Variants in SLAIN2 observed in about 807,000 individuals in gnomAD.
The protein encoded by SLAIN2 is SLAIN motif-containing protein 2.
A neutral mutation model predicts 56.6 loss-of-function variants in SLAIN2; 31 were observed. That is an observed-to-expected ratio of 0.55 (90% CI 0.41 to 0.74). The LOEUF (loss-of-function observed/expected upper bound fraction) is 0.74, where lower values mean the gene tolerates loss of function less well. Among genes scored for constraint, SLAIN2 ranks in the 30% least tolerant of loss-of-function variants. The pLI, the probability that SLAIN2 is intolerant of heterozygous loss-of-function variation, is 0.00. For synonymous variants in SLAIN2, 317 were observed against 284.9 expected (o/e 1.11, Z -1.13); for missense variants, 777 against 754.2 (o/e 1.03, Z -0.35).
intron 6 of SLAIN2, among the ~76,000 whole-genome samples, chr4:48,391,264 C>T (rs1716229590): frequency 6.6e-6 from 1 of 151,430 alleles, no homozygotes; most frequent in Non-Finnish European, 1.5e-5. Flanking sequence ...CCAACTTTCT[C>T]TTGAAAGGAA....
chr4:48,376,619 C>CTTTT (rs556187877), intron 2 of SLAIN2, among the ~76,000 whole-genome samples: 7 of 107,562 alleles, frequency 6.5e-5, no homozygotes, highest in African/African-American at 7.6e-5. Flanking sequence ...TTCAGGTTGA[C>CTTTT]TTTTTTTTTT....
chr4:48,401,403 G>T lies in SLAIN2; in HGVS notation c.1360+17619G>T, dbSNP rs569519115. Among the ~76,000 whole-genome samples, 485 of 152,290 alleles carry T rather than the reference G, an allele frequency of 3.2e-3. 2 individuals are homozygous for T. Among genetic ancestry groups the T allele is most frequent in the African/African-American group, 0.011 (449 of 41,564 alleles). On this transcript the variant is annotated intron_variant, in intron 6 of 7. Coordinates refer to ENST00000264313, the MANE Select transcript of SLAIN2 (RefSeq NM_020846.2). ...AAAATCTCTCACTATTATTGTGTGG[G>T]AGTCTAAGTCTCTTTGTAGGTCTCT...
chr4:48,378,349 A>G (rs1715881791), intron 3 of SLAIN2, among the ~76,000 whole-genome samples: 1 of 152,228 alleles, frequency 6.6e-6, no homozygotes, highest in African/African-American at 2.4e-5. Context: ...TAATCAATAG[A>G]TCCTTATTGA....
intron 1 of SLAIN2, among the ~76,000 whole-genome samples, chr4:48,354,400 A>T (rs977214679): frequency 1.7e-4 from 26 of 152,192 alleles, no homozygotes; most frequent in African/African-American, 6.0e-4. Flanking sequence ...TTAGCCTCTT[A>T]GAGAAATTGG....
intron 1 of SLAIN2, 127 bp downstream of exon 1, chr4:48,342,255 T>C (rs1421646636): frequency 5.0e-6 from 6 of 1,196,744 alleles, no homozygotes; most frequent in Non-Finnish European, 5.4e-6. Flanking sequence ...TGGCGACTTG[T>C]GGTTTTCTTG....
chr4:48,394,137 G>T (rs1163883866), intron 6 of SLAIN2, among the ~76,000 whole-genome samples: 1 of 152,182 alleles, frequency 6.6e-6, no homozygotes, highest in African/African-American at 2.4e-5. Context: ...TGAGTATGCA[G>T]ATTATGGTTT....
In SLAIN2 at chr4:48,341,736, C is replaced by G. The variant is rs886570474; in HGVS notation, c.-4C>G. ...GCGGAGGCGGCGGCGGCGGCGGGGC[C>G]GGGATGGAGGACGTTAACTCCAACG... On this transcript the variant is annotated 5_prime_UTR_variant, in exon 1 of 8. Transcript: ENST00000264313. 1 of 1,529,160 alleles carries G rather than the reference C, an allele frequency of 6.5e-7. No homozygotes were observed. The highest frequency in any genetic ancestry group is 1.4e-5 in the African/African-American group (1 of 70,630). 94.7% of individuals were successfully genotyped at this position (1,529,160 alleles called of 1,614,324 possible). A position where few individuals can be genotyped will look rare whatever the true frequency, so the allele number is the denominator to read the frequency against.
In SLAIN2 at chr4:48,423,368, C is replaced by G. The variant is rs1277981638; in HGVS notation, c.*1291C>G. 1 of 151,862 alleles carries G rather than the reference C, an allele frequency of 6.6e-6. No homozygotes were observed. Among genetic ancestry groups the G allele is most frequent in the Non-Finnish European group, 1.5e-5 (1 of 67,968 alleles). The allele number at this position is 151,862 out of a possible 1,614,324, so 9.4% of individuals were successfully genotyped here. ...TTGAAATCGGCTATTTCAATTTTAT[C>G]AGACTTTTACCAGAGTAAAACTTGC... On this transcript the variant is annotated 3_prime_UTR_variant, in exon 8 of 8. Coordinates refer to ENST00000264313, the MANE Select transcript of SLAIN2 (RefSeq NM_020846.2).
chr4:48,360,372 A>C (rs1393654243), intron 1 of SLAIN2, among the ~76,000 whole-genome samples: 3 of 151,986 alleles, frequency 2.0e-5, no homozygotes, highest in Middle Eastern at 6.4e-3. Flanking sequence ...TGGGTGGATT[A>C]CTTGAGGTCA....
At chr4:48,358,465 G>A (rs184599298) in intron 1 of SLAIN2, among the ~76,000 whole-genome samples, 460 of 151,144 alleles carry the variant, frequency 3.0e-3, no homozygotes, top group Middle Eastern at 0.014. Context: ...AATTACAGGC[G>A]TGCACCACCA....
chr4:48,388,778 G>A (rs1262959466), intron 6 of SLAIN2, among the ~76,000 whole-genome samples: 2 of 152,166 alleles, frequency 1.3e-5, no homozygotes, highest in Non-Finnish European at 2.9e-5. Context: ...CATGATTTGA[G>A]ATTAACTGTA....
At chr4:48,395,695 C>A (rs554655866) in intron 6 of SLAIN2, among the ~76,000 whole-genome samples, 6 of 151,476 alleles carry the variant, frequency 4.0e-5, no homozygotes, top group Non-Finnish European at 8.8e-5. Context: ...TTTTTGGTGC[C>A]ATGGTCAGGT....
At chr4:48,355,916 A>G (rs1176727748) in intron 1 of SLAIN2, among the ~76,000 whole-genome samples, 1 of 152,100 alleles carries the variant, frequency 6.6e-6, no homozygotes, top group African/African-American at 2.4e-5. Context: ...ACAGATAGAA[A>G]ATTCTGAGAT....
intron 1 of SLAIN2, among the ~76,000 whole-genome samples, chr4:48,363,163 T>C (rs1715381215): frequency 2.4e-5 from 1 of 41,170 alleles, no homozygotes; most frequent in African/African-American, 7.6e-5. Context: ...GTCTACTTCT[T>C]TCTACACAGA....
At chr4:48,403,542 TCCA>T (rs1446301128) in intron 6 of SLAIN2, among the ~76,000 whole-genome samples, 2 of 152,174 alleles carry the variant, frequency 1.3e-5, no homozygotes, top group Admixed American at 1.3e-4. Flanking sequence ...ATCTGGACTT[TCCA>T]GAGCCAGCAG....
At chr4:48,410,912 A>G (rs1716827481) in intron 6 of SLAIN2, among the ~76,000 whole-genome samples, 2 of 152,210 alleles carry the variant, frequency 1.3e-5, no homozygotes, top group African/African-American at 4.8e-5. Context: ...AAGTTGCTGC[A>G]GAATGCAGCA....
chr4:48,395,810 CT>C (rs10649464), intron 6 of SLAIN2, among the ~76,000 whole-genome samples: 78 of 72,766 alleles, frequency 1.1e-3, no homozygotes, highest in Non-Finnish European at 1.4e-3. Context: ...GAACCTTAGG[CT>C]TTTTTTTTTT....
Position 48,382,801 on chromosome 4 carries a change from T to C in SLAIN2, c.1096T>C (p.Ser366Pro). 1 of 1,613,742 alleles carries C rather than the reference T, an allele frequency of 6.2e-7. No individual in the cohort carries two copies. The highest frequency in any genetic ancestry group is 1.7e-5 in the Admixed American group (1 of 59,978). Residue 366 changes from serine (S) to proline (P), a missense_variant, in exon 5 of 8, where the codon TCT (serine) becomes CCT (proline). Coordinates refer to ENST00000264313, the MANE Select transcript of SLAIN2 (RefSeq NM_020846.2). ...QSPRNSPRSR[S>P]PARGIEYSRV... ...ACCCAGAAATTCACCTCGTTCACGA[T>C]CTCCTGCTCGGGGAATAGAATATAG... is the stretch of plus-strand genomic sequence containing the variant.
intron 4 of SLAIN2, among the ~76,000 whole-genome samples, chr4:48,381,987 A>C (rs766708904): frequency 6.6e-5 from 10 of 152,138 alleles, no homozygotes; most frequent in African/African-American, 9.7e-5. Flanking sequence ...GAAGACTTAG[A>C]ATTTAAGCTT....
Sources: allele counts gnomAD v4.1 joint callset (sites outside exome capture counted in the v4.1 genomes callset), GRCh38; gene constraint gnomAD v4.1.1; transcripts MANE v1.5; gene names NCBI Gene and HGNC (gene_info 2026-07-23, HGNC 2026-07-21).